MECOM: variants seen among roughly 807,000 people sequenced by gnomAD.
MECOM encodes MDS1 and EVI1 complex locus, also known as histone-lysine N-methyltransferase MECOM.
Under a neutral mutation model 116.3 loss-of-function variants are expected in MECOM, and 13 were observed. That is an observed-to-expected ratio of 0.11 (90% CI 0.07 to 0.18). The LOEUF (loss-of-function observed/expected upper bound fraction) is 0.18, where lower values mean the gene tolerates loss of function less well. MECOM is among the 10% of genes least tolerant of loss of function. MECOM has a pLI of 1.00. For missense variants in MECOM, 1,299 were observed against 1,509.0 expected, an observed-to-expected ratio of 0.86 and a Z score of 2.31; for synonymous variants, 528 against 535.2, an observed-to-expected ratio of 0.99 and a Z score of 0.19.
chr3:169,431,496 C>G (rs544953867), intron 1 of MECOM, among the ~76,000 whole-genome samples: 1 of 152,200 alleles, frequency 6.6e-6, no homozygotes, highest in Admixed American at 6.5e-5. Flanking sequence ...AATAAAGGTC[C>G]CTTGACCTGT....
At chr3:169,154,253 G>T (rs1434534703) in intron 2 of MECOM, among the ~76,000 whole-genome samples, 1 of 152,008 alleles carries the variant, frequency 6.6e-6, no homozygotes, top group African/African-American at 2.4e-5. Context: ...TCTTGGACTA[G>T]TTTTAGGTCA....
chr3:169,143,057 G>A (rs1369085225), intron 3 of MECOM, among the ~76,000 whole-genome samples: 3 of 151,948 alleles, frequency 2.0e-5, no homozygotes, highest in Admixed American at 6.5e-5. Flanking sequence ...TATGTTTCAC[G>A]ATATTTTCAT....
chr3:169,465,929 TA>T (rs2108759981), intron 1 of MECOM, among the ~76,000 whole-genome samples: 1 of 152,336 alleles, frequency 6.6e-6, no homozygotes, highest in African/African-American at 2.4e-5. Flanking sequence ...GATCCTTTTC[TA>T]ACAAGAGTTC....
chr3:169,542,282 CA>C (rs1274153169), intron 1 of MECOM, among the ~76,000 whole-genome samples: 1 of 148,778 alleles, frequency 6.7e-6, no homozygotes, highest in Admixed American at 6.7e-5. Context: ...CAAAAGCAGC[CA>C]AAAAGGGATT....
rs1161680689 is a variant in MECOM, at chr3:169,146,843, C to G, written c.376-3011G>C. 8.4e-6 allele frequency: 9 copies of G among 1,066,512 alleles called. No homozygotes were observed. In the African/African-American group the frequency reaches 9.9e-5, roughly 12 times the overall value. The allele number at this position is 1,066,512 out of a possible 1,614,324, so 66.1% of individuals were successfully genotyped here. A position where few individuals can be genotyped will look rare whatever the true frequency, so the allele number is the denominator to read the frequency against. On this transcript the variant is annotated intron_variant, in intron 2 of 16. Transcript: ENST00000651503. ...GCACGAAAATCCTTTCAAACGATCC[C>G]GAGCAACATTTAGAGATGTTTAAAA...
At chr3:169,460,353 T>G (rs1353869097) in intron 1 of MECOM, among the ~76,000 whole-genome samples, 1 of 152,168 alleles carries the variant, frequency 6.6e-6, no homozygotes, top group African/African-American at 2.4e-5. Flanking sequence ...TTTGGATTGC[T>G]GCCTAACTTA....
Position 169,146,146 on chromosome 3 carries a change from A to G in MECOM, c.376-2314T>C, listed in dbSNP as rs1739828493. On this transcript the variant is annotated intron_variant, in intron 2 of 16. Coordinates refer to ENST00000651503, the MANE Select transcript of MECOM (RefSeq NM_004991.4). ...CTGTCAACCTCCAAAGATAGCTTAA[A>G]AAAAAACCGTTTAGGTAGACTTTAG... The G allele has an allele frequency of 1.7e-5, 16 of 919,608 alleles. No homozygotes were observed. In the South Asian group the frequency reaches 5.6e-4, roughly 32 times the overall value. The allele number at this position is 919,608 out of a possible 1,614,324, so 57.0% of individuals were successfully genotyped here.
chr3:169,145,832 T>C (rs1434159128), intron 2 of MECOM: 1 of 213,470 alleles, frequency 4.7e-6, no homozygotes, highest in Non-Finnish European at 9.5e-6. Context: ...GCAAAATTAA[T>C]TTTTAAAAAG....
intron 1 of MECOM, among the ~76,000 whole-genome samples, chr3:169,570,688 T>C (rs963690226): frequency 4.6e-5 from 7 of 152,122 alleles, no homozygotes; most frequent in Admixed American, 6.6e-5. Context: ...ATTCAACATA[T>C]GCAAATCTAT....
At chr3:169,537,170 C>G (rs537014850) in intron 1 of MECOM, among the ~76,000 whole-genome samples, 4 of 152,266 alleles carry the variant, frequency 2.6e-5, no homozygotes, top group South Asian at 2.1e-4. Context: ...CTTTACCCAA[C>G]AAGAAGAATT....
At position 169,097,817 on chromosome 3, in the gene MECOM, TAAAAAAAA is replaced by T. The variant is rs539873617; in HGVS notation, c.2850-2580_2850-2573del. Among the ~76,000 whole-genome samples, 352 of 87,216 alleles carry T rather than the reference TAAAAAAAA, an allele frequency of 4.0e-3. 6 individuals carry two copies. The highest frequency in any genetic ancestry group is 0.013 in the African/African-American group (333 of 25,398). 57.2% of individuals were successfully genotyped at this position (87,216 alleles called of 152,430 possible). ...AACAGAGTGAGACCTACTGTCTATATAAAAAAAAAAAAAAAAAAAAAAAGGTGGATTCC... is the reference window on the plus strand; with the variant it reads ...AACAGAGTGAGACCTACTGTCTATATAAAAAAAAAAAAAAAGGTGGATTCC... On this transcript the variant is annotated intron_variant, in intron 12 of 16. Transcript: ENST00000651503.
chr3:169,604,987 C>G (rs958771638), intron 1 of MECOM, among the ~76,000 whole-genome samples: 4 of 152,074 alleles, frequency 2.6e-5, no homozygotes, highest in Non-Finnish European at 5.9e-5. Context: ...TTGATATTAT[C>G]TAAAGGGCAA....
intron 2 of MECOM, among the ~76,000 whole-genome samples, chr3:169,378,456 AGCAAGC>A (rs1731580956): frequency 1.9e-5 from 1 of 51,660 alleles, no homozygotes; most frequent in South Asian, 5.1e-4. Context: ...AAAGAAGGAA[AGCAAGC>A]AAGCAAGCAA....
At chr3:169,492,323 C>T (rs991377027) in intron 1 of MECOM, among the ~76,000 whole-genome samples, 14 of 152,276 alleles carry the variant, frequency 9.2e-5, no homozygotes, top group Admixed American at 4.6e-4. Flanking sequence ...TGTATGAGAG[C>T]AAAACTTGTT....
At chr3:169,139,672 C>G (rs1483047284) in intron 3 of MECOM, among the ~76,000 whole-genome samples, 1 of 151,954 alleles carries the variant, frequency 6.6e-6, no homozygotes, top group Non-Finnish European at 1.5e-5. Flanking sequence ...CTGTTGTGTC[C>G]AGAGAACTAC....
At chr3:169,183,739 A>G (rs1283011324) in intron 2 of MECOM, among the ~76,000 whole-genome samples, 1 of 145,086 alleles carries the variant, frequency 6.9e-6, no homozygotes, top group Non-Finnish European at 1.5e-5. Context: ...TGATACGTTA[A>G]GGACTGTAGA....
At chr3:169,477,291 C>T (rs1311891616) in intron 1 of MECOM, among the ~76,000 whole-genome samples, 3 of 151,566 alleles carry the variant, frequency 2.0e-5, no homozygotes, top group South Asian at 2.1e-4. Flanking sequence ...CCCACAACTT[C>T]GAAGTGCTGC....
intron 2 of MECOM, among the ~76,000 whole-genome samples, chr3:169,207,583 T>A (rs775957873): frequency 6.6e-6 from 1 of 152,144 alleles, no homozygotes; most frequent in Non-Finnish European, 1.5e-5. Flanking sequence ...AAACTACATA[T>A]AAGTACATAT....
intron 1 of MECOM, among the ~76,000 whole-genome samples, chr3:169,593,828 C>T (rs1407722218): frequency 6.6e-6 from 1 of 152,138 alleles, no homozygotes; most frequent in African/African-American, 2.4e-5. Context: ...ATTCAAAAAA[C>T]CACTTTTCTA....
Sources: gnomAD v4.1 joint callset for allele counts (sites outside exome capture counted in the v4.1 genomes callset) on GRCh38, gnomAD v4.1.1 for gene constraint, MANE v1.5 for transcripts, NCBI Gene and HGNC (gene_info 2026-07-23, HGNC 2026-07-21) for gene names.